Variants in CELF2 observed in about 807,000 individuals in gnomAD.
The protein encoded by CELF2 is CUG triplet repeat RNA-binding protein 2.
In CELF2, 8 loss-of-function variants were observed where a neutral mutation model predicts 62.6. The observed-to-expected ratio is 0.13, with a 90% CI of 0.07 to 0.23. The LOEUF (loss-of-function observed/expected upper bound fraction) is 0.23. Among genes scored for constraint, CELF2 ranks in the 10% least tolerant of loss-of-function variants. CELF2 has a pLI of 1.00. For synonymous variants in CELF2, 258 were observed against 250.0 expected, an observed-to-expected ratio of 1.03 and a Z score of -0.30; for missense variants, 333 against 671.0, an observed-to-expected ratio of 0.50 and a Z score of 5.56.
At chr10:10,702,180 G>A in the CELF2 span, among the ~76,000 whole-genome samples, 1 of 151,986 alleles carries the variant, frequency 6.6e-6, no homozygotes, top group Non-Finnish European at 1.5e-5. Context: ...AAAAAGAGGA[G>A]GAACAGGAAG....
In CELF2 at chr10:11,319,377, C is replaced by T. The variant is rs1223256794; in HGVS notation, c.1097-1812C>T. On this transcript the variant is annotated intron_variant, in intron 10 of 12. Transcript: ENST00000633077. The surrounding 1 kb of genome is among the most constrained non-coding windows in gnomAD (Gnocchi z 4.4). ...TCACTGGAGGAATAGAGAAATGACT[C>T]TCCAGCCCTCTGGTGGCCATAGTAA... Among the ~76,000 whole-genome samples the T allele has an allele frequency of 6.6e-6, 1 of 152,154 alleles. No homozygotes were observed. Among genetic ancestry groups the T allele is most frequent in the Non-Finnish European group, 1.5e-5 (1 of 68,028 alleles).
upstream of CELF2, chr10:11,005,241 AGACAGAGAGAGAGG>A (rs1383872263): frequency 1.2e-3 from 1,638 of 1,393,764 alleles, 23 homozygotes; most frequent in African/African-American, 0.026. The surrounding 1 kb of genome is among the most constrained non-coding windows in gnomAD (Gnocchi z 4.3). Flanking sequence ...GAGAGTGGGA[AGACAGAGAGAGAGG>A]GAGAGAGAGA....
intron 2 of CELF2, among the ~76,000 whole-genome samples, chr10:10,988,918 T>A (rs575252460): frequency 5.1e-4 from 77 of 152,072 alleles, no homozygotes; most frequent in Non-Finnish European, 1.0e-3. Flanking sequence ...CGAAATTTTG[T>A]CATTTGCCAA....
chr10:10,756,028 A>G, the CELF2 span, among the ~76,000 whole-genome samples: 4 of 152,316 alleles, frequency 2.6e-5, no homozygotes, highest in East Asian at 5.8e-4. Flanking sequence ...TGTTTTTCAC[A>G]ATAATTTCAT....
chr10:10,935,722 A>G (rs1047564811), intron 2 of CELF2, among the ~76,000 whole-genome samples: 5 of 152,224 alleles, frequency 3.3e-5, no homozygotes, highest in Non-Finnish European at 5.9e-5. Context: ...ATGGTATCAC[A>G]TTGATTTTTA....
chr10:10,924,602 A>G lies in CELF2; in HGVS notation c.89+4603A>G, dbSNP rs545484339. Reference sequence around the variant, plus strand: ...AAGCTTAAAATAATTCGGTATATAAATCAGATGTCATCTTGTACTGGATTT... The same window carrying G: ...AAGCTTAAAATAATTCGGTATATAAGTCAGATGTCATCTTGTACTGGATTT... On this transcript the variant is annotated intron_variant, in intron 2 of 13. Transcript: ENST00000636488. Among the ~76,000 whole-genome samples the G allele has an allele frequency of 2.6e-5, 4 of 152,296 alleles. No individual in the cohort carries two copies. The South Asian group carries it at 8.3e-4, about 32-fold the overall frequency.
the CELF2 span, among the ~76,000 whole-genome samples, chr10:10,526,642 C>A: frequency 6.6e-6 from 1 of 152,320 alleles, no homozygotes; most frequent in African/African-American, 2.4e-5. Flanking sequence ...CATGCCCATT[C>A]TGAGCTCATC....
At chr10:10,703,270 G>A in the CELF2 span, among the ~76,000 whole-genome samples, 1 of 152,220 alleles carries the variant, frequency 6.6e-6, no homozygotes, top group Non-Finnish European at 1.5e-5. Context: ...TACAGATGAG[G>A]AAACCTGAGT....
chr10:11,112,405 G>A (rs1009131653), intron 1 of CELF2, among the ~76,000 whole-genome samples: 3 of 152,210 alleles, frequency 2.0e-5, no homozygotes, highest in Admixed American at 6.5e-5. Context: ...AGAGAAAGAC[G>A]AGGACATGTT....
chr10:10,826,488 G>A (rs1420675616), intron 1 of CELF2, among the ~76,000 whole-genome samples: 1 of 152,150 alleles, frequency 6.6e-6, no homozygotes, highest in African/African-American at 2.4e-5. Flanking sequence ...CTCAAATATT[G>A]CATGGGCTAT....
At chr10:10,941,885 T>A (rs1414998039) in intron 2 of CELF2, among the ~76,000 whole-genome samples, 1 of 149,892 alleles carries the variant, frequency 6.7e-6, no homozygotes, top group Non-Finnish European at 1.5e-5. Flanking sequence ...TCCCAGCCAC[T>A]GGGGAGGCTG....
intron 8 of CELF2, among the ~76,000 whole-genome samples, chr10:11,279,818 G>T (rs1469898190): frequency 2.0e-5 from 3 of 152,082 alleles, no homozygotes; most frequent in South Asian, 2.1e-4. Flanking sequence ...TTTTGAGAAG[G>T]ATATTTTTCC....
At chr10:10,561,341 TG>T in the CELF2 span, among the ~76,000 whole-genome samples, 1 of 152,188 alleles carries the variant, frequency 6.6e-6, no homozygotes, top group Non-Finnish European at 1.5e-5. Context: ...TTTATTGGGC[TG>T]GGCTTAAGCT....
At chr10:10,905,470 T>C (rs964504141) in intron 1 of CELF2, among the ~76,000 whole-genome samples, 1 of 152,124 alleles carries the variant, frequency 6.6e-6, no homozygotes, top group Non-Finnish European at 1.5e-5. Flanking sequence ...AGGCTGGGCA[T>C]GGTGGCTCAC....
At chr10:10,640,208 C>A in the CELF2 span, among the ~76,000 whole-genome samples, 1 of 152,204 alleles carries the variant, frequency 6.6e-6, no homozygotes, top group South Asian at 2.1e-4. Context: ...AAAACCCTGT[C>A]CTATCTTTGC....
chr10:11,049,890 G>A (rs957872969), intron 1 of CELF2, among the ~76,000 whole-genome samples: 1 of 152,162 alleles, frequency 6.6e-6, no homozygotes, highest in African/African-American at 2.4e-5. Flanking sequence ...TTACCACTGC[G>A]GAGGACTGGC....
chr10:10,563,143 G>A, the CELF2 span, among the ~76,000 whole-genome samples: 2 of 152,114 alleles, frequency 1.3e-5, no homozygotes, highest in Non-Finnish European at 2.9e-5. Context: ...AAGTCTTGAA[G>A]CCATCTGGGG....
At chr10:10,877,479 G>A (rs2061177580) in intron 1 of CELF2, among the ~76,000 whole-genome samples, 1 of 152,230 alleles carries the variant, frequency 6.6e-6, no homozygotes, top group African/African-American at 2.4e-5. Context: ...GCATTCTTTT[G>A]AGTTTCTGAC....
chr10:10,705,213 C>A, the CELF2 span, among the ~76,000 whole-genome samples: 1 of 152,002 alleles, frequency 6.6e-6, no homozygotes, highest in Admixed American at 6.6e-5. Context: ...AATTTTCTTC[C>A]CTCCTATTCA....
Sources: allele counts gnomAD v4.1 joint callset (sites outside exome capture counted in the v4.1 genomes callset), GRCh38; gene constraint gnomAD v4.1.1; non-coding constraint Gnocchi (gnomAD v3.1); transcripts MANE v1.5; gene names NCBI Gene and HGNC (gene_info 2026-07-23, HGNC 2026-07-21).